VWA3B: variants seen among roughly 807,000 people sequenced by gnomAD.
VWA3B encodes the protein von Willebrand factor A domain containing 3B, also known as von Willebrand factor A domain-containing protein 3B.
In VWA3B, 138 loss-of-function variants were observed where a neutral mutation model predicts 158.3. That is an observed-to-expected ratio of 0.87 (90% CI 0.76 to 1.00). The LOEUF (loss-of-function observed/expected upper bound fraction) is 1.00. Among genes scored for constraint, VWA3B ranks in the 50% least tolerant of loss-of-function variants. The pLI is 0.00. For synonymous variants in VWA3B, 596 were observed against 587.3 expected (o/e 1.01, Z -0.21); for missense variants, 1,555 against 1,565.1 (o/e 0.99, Z 0.11).
chr2:98,141,976 G>T (rs528470301), intron 7 of VWA3B, among the ~76,000 whole-genome samples: 17 of 152,212 alleles, frequency 1.1e-4, no homozygotes, highest in African/African-American at 3.6e-4. Flanking sequence ...AAACAAGGCC[G>T]ATTACTTACT....
At chr2:98,245,867 A>T (rs1245594195) in intron 19 of VWA3B, among the ~76,000 whole-genome samples, 1 of 152,040 alleles carries the variant, frequency 6.6e-6, no homozygotes, top group African/African-American at 2.4e-5. Context: ...AGATGATTTT[A>T]TTTTTTTAAA....
chr2:98,228,318 G>A lies in VWA3B; in HGVS notation c.2136G>A (p.Lys712=), dbSNP rs1685079651. ...TGGACTGGTGGTACAATGCAGAAAA[G>A]GATGGAGACAGCAAGTGAGCACCTC... The part of the protein sequence containing the change: ...LIMDWWYNAE[K]DGDSKHQKEI... The change falls in exon 15 of 28, where the codon AAG becomes AAA. Residue 712 remains lysine (K), a synonymous_variant. Coordinates refer to ENST00000477737, the MANE Select transcript of VWA3B (RefSeq NM_144992.5). 3 of 1,613,386 alleles carry A rather than the reference G, an allele frequency of 1.9e-6. No homozygotes were observed. Among genetic ancestry groups the A allele is most frequent in the Non-Finnish European group, 2.5e-6 (3 of 1,179,744 alleles).
chr2:98,285,494 T>C (rs757297084), intron 22 of VWA3B, among the ~76,000 whole-genome samples: 5 of 151,922 alleles, frequency 3.3e-5, no homozygotes, highest in Non-Finnish European at 7.4e-5. Context: ...AGATGGTAAG[T>C]TTGTTTAATT....
At chr2:98,261,186 TTTAG>T (rs1304990603) in intron 21 of VWA3B, among the ~76,000 whole-genome samples, 1 of 151,862 alleles carries the variant, frequency 6.6e-6, no homozygotes, top group Non-Finnish European at 1.5e-5. Context: ...CTGTATACTT[TTTAG>T]TTATTTTCTT....
chr2:98,275,982 G>T (rs942894083), intron 22 of VWA3B, among the ~76,000 whole-genome samples: 1 of 152,228 alleles, frequency 6.6e-6, no homozygotes, highest in Non-Finnish European at 1.5e-5. Flanking sequence ...TTTAGTTTGT[G>T]CAGTGGCATC....
At chr2:98,250,809 A>T (rs1169078392) in intron 20 of VWA3B, among the ~76,000 whole-genome samples, 1 of 152,148 alleles carries the variant, frequency 6.6e-6, no homozygotes, top group Non-Finnish European at 1.5e-5. Flanking sequence ...GCTTGAGGTG[A>T]TGGATACCCC....
intron 21 of VWA3B, among the ~76,000 whole-genome samples, chr2:98,259,752 CT>C (rs1687369518): frequency 4.6e-5 from 7 of 151,542 alleles, no homozygotes; most frequent in African/African-American, 1.7e-4. Flanking sequence ...GTGCTCTCCT[CT>C]TTATTATTTC....
At chr2:98,279,081 G>A (rs1688715273) in intron 22 of VWA3B, among the ~76,000 whole-genome samples, 1 of 151,624 alleles carries the variant, frequency 6.6e-6, no homozygotes. Context: ...CCCAGAGGCA[G>A]TGAGAGGATG....
chr2:98,290,390 C>A, intron 22 of VWA3B, 121 bp from the exon 23 acceptor site: 2 of 741,622 alleles, frequency 2.7e-6, no homozygotes, highest in South Asian at 1.9e-5. Context: ...ACTTGTAATT[C>A]AACATGAGAT....
chr2:98,269,893 T>C (rs1352627394), intron 21 of VWA3B, among the ~76,000 whole-genome samples: 6 of 152,244 alleles, frequency 3.9e-5, no homozygotes, highest in African/African-American at 1.4e-4. Context: ...TGGAGTCCTG[T>C]GATTGTGCTG....
In VWA3B at chr2:98,256,197, C is replaced by T. The variant is rs369763985; in HGVS notation, c.2843+23C>T. ...AAAGTAAGCCATTCCATTCCCTCCT[C>T]ACTTTTTTTTTTTGGTGAAATTCAC... On this transcript the variant is annotated intron_variant, in intron 21 of 27. Coordinates refer to ENST00000477737, the MANE Select transcript of VWA3B (RefSeq NM_144992.5). 66 of 1,506,506 alleles carry T rather than the reference C, an allele frequency of 4.4e-5. No individual in the cohort carries two copies. In the African/African-American group the frequency reaches 1.3e-3, roughly 30 times the overall value. 93.3% of individuals were successfully genotyped at this position (1,506,506 alleles called of 1,614,324 possible).
chr2:98,329,879 C>G, the VWA3B span, among the ~76,000 whole-genome samples: 2 of 152,158 alleles, frequency 1.3e-5, no homozygotes, highest in African/African-American at 4.8e-5. Flanking sequence ...GAGTCTCAGC[C>G]TGCCCTTCCT....
chr2:98,311,631 C>A (rs1354689504), intron 26 of VWA3B, among the ~76,000 whole-genome samples, 188 bp from the exon 27 acceptor site: 1 of 152,078 alleles, frequency 6.6e-6, no homozygotes. Context: ...ACCAAAGGCT[C>A]GTGGAAATGA....
intron 6 of VWA3B, among the ~76,000 whole-genome samples, chr2:98,131,374 G>C (rs532052155): frequency 1.3e-5 from 2 of 152,120 alleles, no homozygotes; most frequent in African/African-American, 2.4e-5. Context: ...GGTTGATTCC[G>C]TATCTTGGCT....
chr2:98,196,608 G>C (rs974781730), intron 12 of VWA3B, among the ~76,000 whole-genome samples: 1 of 152,090 alleles, frequency 6.6e-6, no homozygotes, highest in Non-Finnish European at 1.5e-5. Context: ...GTAGTTGAGC[G>C]GGGGAGATGG....
chr2:98,135,461 G>C (rs62154879), intron 7 of VWA3B, among the ~76,000 whole-genome samples: 3 of 143,662 alleles, frequency 2.1e-5, no homozygotes, highest in African/African-American at 7.6e-5. Flanking sequence ...TCAGCCTCCC[G>C]AGTAGCTGGG....
chr2:98,181,005 T>G lies in VWA3B; in HGVS notation c.1115-11T>G. 6.2e-7 allele frequency: 1 copy of G among 1,613,300 alleles called. No homozygotes were observed. Among genetic ancestry groups the G allele is most frequent in the Non-Finnish European group, 8.5e-7 (1 of 1,179,372 alleles). On this transcript the variant is annotated splice_polypyrimidine_tract_variant and intron_variant, in intron 8 of 27. Transcript: ENST00000477737. ...TGCAGTATGAATGGCTGACAAGCTG[T>G]GATTCTACAGAGTCAGAAACAACCT...
intron 22 of VWA3B, among the ~76,000 whole-genome samples, chr2:98,277,129 A>G (rs990155626): frequency 6.6e-6 from 1 of 152,106 alleles, no homozygotes; most frequent in Non-Finnish European, 1.5e-5. Context: ...TGACTGTATG[A>G]TGGTTTCCAC....
At chr2:98,159,344 G>C (rs1678373159) in intron 7 of VWA3B, among the ~76,000 whole-genome samples, 1 of 152,076 alleles carries the variant, frequency 6.6e-6, no homozygotes, top group African/African-American at 2.4e-5. Flanking sequence ...TGCTTCCCAG[G>C]TTCAAGAGAT....
Sources: gnomAD v4.1 joint callset for allele counts (sites outside exome capture counted in the v4.1 genomes callset) on GRCh38, gnomAD v4.1.1 for gene constraint, MANE v1.5 for transcripts, NCBI Gene and HGNC (gene_info 2026-07-23, HGNC 2026-07-21) for gene names.